Variants in KDM1A observed in about 807,000 individuals in gnomAD.
KDM1A encodes the protein lysine demethylase 1A.
Under a neutral mutation model 109.4 loss-of-function variants are expected in KDM1A, and 49 were observed. That is an observed-to-expected ratio of 0.45 (90% confidence interval 0.36 to 0.57). KDM1A has a LOEUF of 0.57. Among genes scored for constraint, KDM1A ranks in the 20% least tolerant of loss-of-function variants. The pLI, the probability that KDM1A is intolerant of heterozygous loss-of-function variation, is 0.00. For synonymous variants in KDM1A, 380 were observed against 415.4 expected (o/e 0.91, Z 1.04); for missense variants, 668 against 1,116.6 (o/e 0.60, Z 5.73).
intron 3 of KDM1A, among the ~76,000 whole-genome samples, chr1:23,047,565 A>G (rs969734967): frequency 7.9e-5 from 12 of 152,194 alleles, no homozygotes; most frequent in Non-Finnish European, 1.5e-4. Context: ...CATATTCTCA[A>G]AAATTCCCCA....
At chr1:23,082,434 T>C in intron 20 of KDM1A, 68 bp downstream of exon 20, 1 of 1,462,620 alleles carries the variant, frequency 6.8e-7, no homozygotes, top group Non-Finnish European at 9.1e-7. Flanking sequence ...TCCCTGATTT[T>C]TTTTTTTTTT....
At chr1:23,020,908 C>A (rs948753352) in intron 1 of KDM1A, among the ~76,000 whole-genome samples, 5 of 152,116 alleles carry the variant, frequency 3.3e-5, no homozygotes, top group African/African-American at 9.7e-5. Flanking sequence ...GGCACTGGGG[C>A]AGTATTAGGG....
At position 23,068,622 on chromosome 1, in the gene KDM1A, C is replaced by T; in HGVS notation, c.1263C>T (p.Asp421=). Residue 421 remains aspartate (D), a synonymous_variant, in exon 11 of 21, where the codon GAC becomes GAT. Coordinates refer to ENST00000400181, the MANE Select transcript of KDM1A (RefSeq NM_001009999.3). Reference sequence around the variant, plus strand: ...CATCTTACCTTAGTCATCAACTAGACTTCAATGTCCTCAATAATAAGCCTG... The same window carrying T: ...CATCTTACCTTAGTCATCAACTAGATTTCAATGTCCTCAATAATAAGCCTG... The part of the protein sequence containing the change: ...EATSYLSHQL[D]FNVLNNKPVS... 6.2e-7 allele frequency: 1 copy of T among 1,605,184 alleles called. No homozygotes were observed. The highest frequency in any genetic ancestry group is 8.5e-7 in the Non-Finnish European group (1 of 1,178,068).
intron 2 of KDM1A, among the ~76,000 whole-genome samples, chr1:23,036,444 G>GCCCCCCCCCCCCCCCCC (rs5773033): frequency 1.6e-5 from 2 of 121,598 alleles, no homozygotes; most frequent in African/African-American, 3.1e-5. Flanking sequence ...TTCTTGCCAC[G>GCCCCCCCCCCCCCCCCC]CCCCCCCCCT....
intron 1 of KDM1A, among the ~76,000 whole-genome samples, chr1:23,024,785 G>A (rs908012306): frequency 2.6e-5 from 4 of 152,160 alleles, no homozygotes; most frequent in African/African-American, 9.7e-5. Flanking sequence ...ATCTTCCTCT[G>A]ATTCATTTTC....
intron 1 of KDM1A, among the ~76,000 whole-genome samples, chr1:23,022,143 G>A (rs1641651931): frequency 6.6e-6 from 1 of 152,280 alleles, no homozygotes; most frequent in Non-Finnish European, 1.5e-5. Flanking sequence ...TTAATGTACA[G>A]TTTATTTTGT....
In KDM1A at chr1:23,031,066, A is replaced by T. The variant is rs1267637461; in HGVS notation, c.517+432A>T. 2.0e-5 allele frequency among the ~76,000 whole-genome samples: 3 copies of T among 152,260 alleles called. No homozygotes were observed. The East Asian group carries it at 5.8e-4, about 29-fold the overall frequency. ...TTACCACGTAGTTAGATACTTTCTG[A>T]TAAAACTTCCACGGTGTGGATCGGT... On this transcript the variant is annotated intron_variant, in intron 2 of 20. Transcript: ENST00000400181.
At position 23,050,609 on chromosome 1, in the gene KDM1A, A is replaced by G. The variant is rs1642639343; in HGVS notation, c.711+89A>G. 7 of 1,106,942 alleles carry G rather than the reference A, an allele frequency of 6.3e-6. No individual in the cohort carries two copies. In the South Asian group the frequency reaches 1.6e-4, roughly 26 times the overall value. 68.6% of individuals were successfully genotyped at this position (1,106,942 alleles called of 1,614,324 possible). A position where few individuals can be genotyped will look rare whatever the true frequency, so the allele number is the denominator to read the frequency against. Reference sequence around the variant, plus strand: ...TATGGGAAAAATAAAAAGAGAAGAAAGAATTCTAAAATTATCTATAATACT... The same window carrying G: ...TATGGGAAAAATAAAAAGAGAAGAAGGAATTCTAAAATTATCTATAATACT... On this transcript the variant is annotated intron_variant, in intron 4 of 20. Transcript: ENST00000400181.
chr1:23,037,636 C>T (rs747419184), intron 2 of KDM1A, among the ~76,000 whole-genome samples: 2 of 152,126 alleles, frequency 1.3e-5, no homozygotes, highest in African/African-American at 2.4e-5. Context: ...TATAATAGCT[C>T]TCTCAGAAGC....
At chr1:23,076,836 C>A (rs1372337180) in intron 15 of KDM1A, among the ~76,000 whole-genome samples, 2 of 151,946 alleles carry the variant, frequency 1.3e-5, no homozygotes, top group Non-Finnish European at 2.9e-5. Flanking sequence ...GTGGTACATG[C>A]CTGTAATCCC....
chr1:23,020,179 G>A (rs943129092), intron 1 of KDM1A: 3 of 420,410 alleles, frequency 7.1e-6, no homozygotes, highest in Non-Finnish European at 1.2e-5. Context: ...GTGGGAAGGG[G>A]CATCGATGAT....
intron 16 of KDM1A, among the ~76,000 whole-genome samples, chr1:23,077,613 C>CAT (rs1643503496): frequency 6.6e-6 from 1 of 152,176 alleles, no homozygotes; most frequent in Non-Finnish European, 1.5e-5. Context: ...ACTGGTCGAG[C>CAT]ATCCCTAATC....
chr1:23,063,991 G>A (rs1643092289), intron 9 of KDM1A, among the ~76,000 whole-genome samples: 1 of 152,154 alleles, frequency 6.6e-6, no homozygotes, highest in Admixed American at 6.6e-5. Flanking sequence ...GGGCTAAAGT[G>A]ATTCTCCCCC....
At chr1:23,031,535 T>G (rs17369793) in intron 2 of KDM1A, among the ~76,000 whole-genome samples, 4,031 of 152,240 alleles carry the variant, frequency 0.026, 82 homozygotes, top group Non-Finnish European at 0.044. Flanking sequence ...GTACCCAGAT[T>G]AAGACATACT....
In KDM1A at chr1:23,030,641, TGTA is replaced by T. The variant is rs1641953987; in HGVS notation, c.517+11_517+13del. On this transcript the variant is annotated splice_region_variant and intron_variant, in intron 2 of 20. Transcript: ENST00000400181. The stretch of plus-strand genomic sequence containing the variant: ...GAGCCTGAAGAACCATCGGGTGAGT[TGTA>T]GTATCCAACCACAGTTCTGTTTTAT... 6.5e-7 allele frequency: 1 copy of T among 1,531,500 alleles called. No homozygotes were observed. Among genetic ancestry groups the T allele is most frequent in the Non-Finnish European group, 8.7e-7 (1 of 1,146,334 alleles). The allele number at this position is 1,531,500 out of a possible 1,614,324, so 94.9% of individuals were successfully genotyped here. A position where few individuals can be genotyped will look rare whatever the true frequency, so the allele number is the denominator to read the frequency against.
At position 23,050,562 on chromosome 1, in the gene KDM1A, T is replaced by G. The variant is rs762023047; in HGVS notation, c.711+42T>G. The G allele has an allele frequency of 7.3e-6, 11 of 1,502,836 alleles. No individual in the cohort carries two copies. In the Admixed American group the frequency reaches 2.3e-4, roughly 31 times the overall value. 93.1% of individuals were successfully genotyped at this position (1,502,836 alleles called of 1,614,324 possible). A position where few individuals can be genotyped will look rare whatever the true frequency, so the allele number is the denominator to read the frequency against. ...GCTTTTTCACCTGGATTATAAAAAG[T>G]ATATATGGCTTTGATAGAGAATATG... On this transcript the variant is annotated intron_variant, in intron 4 of 20. Coordinates refer to ENST00000400181, the MANE Select transcript of KDM1A (RefSeq NM_001009999.3).
Position 23,019,629 on chromosome 1 carries a change from G to T in KDM1A, c.33G>T (p.Ala11=). ...CTGGGAAGAAGGCGGCAGCCGCGGC[G>T]GCGGCGGCTGCAGCGGCAGCAACCG... The part of the protein sequence containing the change: MLSGKKAAAA[A]AAAAAAATGT... The change falls in exon 1 of 21, where the codon GCG becomes GCT. Residue 11 remains alanine, a synonymous_variant. Coordinates refer to ENST00000400181, the MANE Select transcript of KDM1A (RefSeq NM_001009999.3). 1 of 1,415,120 alleles carries T rather than the reference G, an allele frequency of 7.1e-7. No homozygotes were observed. The highest frequency in any genetic ancestry group is 2.9e-5 in the East Asian group (1 of 34,446). The allele number at this position is 1,415,120 out of a possible 1,614,324, so 87.7% of individuals were successfully genotyped here.
At chr1:23,025,713 A>G (rs1320850106) in intron 1 of KDM1A, among the ~76,000 whole-genome samples, 4 of 152,176 alleles carry the variant, frequency 2.6e-5, no homozygotes, top group Non-Finnish European at 4.4e-5. Context: ...ATTAACAGAA[A>G]AAGATGGAAG....
intron 2 of KDM1A, among the ~76,000 whole-genome samples, chr1:23,041,094 C>G (rs1264075934): frequency 6.6e-6 from 1 of 152,098 alleles, no homozygotes; most frequent in African/African-American, 2.4e-5. Context: ...TCAGAGACTA[C>G]TTGGATGAAA....
Sources: gnomAD v4.1 joint callset for allele counts (sites outside exome capture counted in the v4.1 genomes callset) on GRCh38, gnomAD v4.1.1 for gene constraint, MANE v1.5 for transcripts, NCBI Gene and HGNC (gene_info 2026-07-23, HGNC 2026-07-21) for gene names.